The following GALNT9 variants were observed in gnomAD, a reference collection of about 807,000 sequenced individuals.
The protein encoded by GALNT9 is polypeptide N-acetylgalactosaminyltransferase 9, also known as GalNAc transferase 9.
A neutral mutation model predicts 63.1 loss-of-function variants in GALNT9; 47 were observed. The ratio of observed to expected loss-of-function variants is 0.75; its 90% CI spans 0.59 to 0.95. The LOEUF is 0.95. Among genes scored for constraint, GALNT9 ranks in the 40% least tolerant of loss-of-function variants. The pLI is 0.00. For missense variants in GALNT9, 829 were observed against 874.8 expected (o/e 0.95, Z 0.66); for synonymous variants, 396 against 365.7 (o/e 1.08, Z -0.94).
At chr12:132,214,421 C>T (rs1016691754) in intron 6 of GALNT9, among the ~76,000 whole-genome samples, 1 of 152,188 alleles carries the variant, frequency 6.6e-6, no homozygotes, top group Non-Finnish European at 1.5e-5. Flanking sequence ...GAGTGATTTC[C>T]TAGAGCTAGT....
At chr12:132,250,013 CTT>C (rs1475282940) in intron 5 of GALNT9, among the ~76,000 whole-genome samples, 1 of 152,204 alleles carries the variant, frequency 6.6e-6, no homozygotes, top group Non-Finnish European at 1.5e-5. Context: ...CCGGACGCCT[CTT>C]GTTAGCATCA....
intron 2 of GALNT9, among the ~76,000 whole-genome samples, chr12:132,285,392 C>T (rs974657269): frequency 6.6e-6 from 1 of 152,236 alleles, no homozygotes; most frequent in African/African-American, 2.4e-5. Context: ...CCAAGCTCAG[C>T]CAAACTTTAT....
chr12:132,304,374 C>CAGACATGCCCTCACCG (rs1593116506), intron 1 of GALNT9, among the ~76,000 whole-genome samples: 1 of 110,550 alleles, frequency 9.0e-6, no homozygotes, highest in Non-Finnish European at 1.8e-5. Flanking sequence ...CAGCCTCACC[C>CAGACATGCCCTCACCG]GGGCACACCC....
At chr12:132,204,755 GTCCCA>G (rs1231865424) in intron 6 of GALNT9, among the ~76,000 whole-genome samples, 2 of 151,960 alleles carry the variant, frequency 1.3e-5, no homozygotes, top group East Asian at 3.9e-4. Flanking sequence ...ATCCTGTGCT[GTCCCA>G]TCCCATCCAC....
intron 6 of GALNT9, among the ~76,000 whole-genome samples, chr12:132,216,308 G>T (rs1185078190): frequency 6.6e-6 from 1 of 152,200 alleles, no homozygotes; most frequent in African/African-American, 2.4e-5. Flanking sequence ...GACAGAGAGA[G>T]GGGCACAGCC....
chr12:132,309,040 C>G (rs971578699), intron 1 of GALNT9, among the ~76,000 whole-genome samples: 3 of 152,234 alleles, frequency 2.0e-5, no homozygotes, highest in African/African-American at 7.2e-5. Flanking sequence ...GTTCCTAGAG[C>G]CCCTATTTAT....
rs566870308 is a variant in GALNT9 at position 132,197,542 on chromosome 12, A to C, written c.1665+250T>G. On this transcript the variant is annotated intron_variant, in intron 10 of 10. Coordinates refer to ENST00000328957, the MANE Select transcript of GALNT9 (RefSeq NM_001122636.2). ...CTGGGCACCTGAGGCTGGAAGAGGC[A>C]GATGCAGGGCTATGATCAGACTGTC... Among the ~76,000 whole-genome samples the C allele has an allele frequency of 2.6e-5, 4 of 152,348 alleles. No homozygotes were observed. In the East Asian group the frequency reaches 5.8e-4, roughly 22 times the overall value.
At chr12:132,216,399 G>A (rs1039075241) in intron 6 of GALNT9, among the ~76,000 whole-genome samples, 1 of 152,228 alleles carries the variant, frequency 6.6e-6, no homozygotes, top group Non-Finnish European at 1.5e-5. Flanking sequence ...TGCTGACGAC[G>A]TCCTGGAGAC....
chr12:132,203,468 G>A (rs759813815), intron 7 of GALNT9, 37 bp downstream of exon 7: 2 of 1,607,284 alleles, frequency 1.2e-6, no homozygotes, highest in African/African-American at 1.3e-5. Context: ...CCCGACCCTG[G>A]GGCATGGCCC....
intron 9 of GALNT9, among the ~76,000 whole-genome samples, chr12:132,198,700 A>C (rs73166823): frequency 0.015 from 2,274 of 152,272 alleles, 61 homozygotes; most frequent in South Asian, 0.11. Flanking sequence ...TCTGTTGCCC[A>C]GGATGGAGTG....
At chr12:132,277,323 C>T (rs1880136066) in intron 2 of GALNT9, 1 of 154,912 alleles carries the variant, frequency 6.5e-6, no homozygotes, top group East Asian at 1.9e-4. Flanking sequence ...AAGACTCCCA[C>T]AGACGCCTGC....
At chr12:132,220,561 G>A (rs1242711847) in intron 6 of GALNT9, among the ~76,000 whole-genome samples, 3 of 152,216 alleles carry the variant, frequency 2.0e-5, no homozygotes, top group Admixed American at 1.3e-4. Context: ...CAAGTGGCTC[G>A]AATTGCTGTC....
intron 6 of GALNT9, among the ~76,000 whole-genome samples, chr12:132,224,477 A>C (rs1255663201): frequency 4.6e-4 from 1 of 2,180 alleles, no homozygotes; most frequent in Non-Finnish European, 1.0e-3. Context: ...CACACACACA[A>C]AACCCACACC....
chr12:132,226,596 C>T (rs1877698992), intron 6 of GALNT9, among the ~76,000 whole-genome samples: 1 of 147,060 alleles, frequency 6.8e-6, no homozygotes, highest in African/African-American at 2.5e-5. Flanking sequence ...ACATACACAC[C>T]ACACACCCCA....
intron 2 of GALNT9, among the ~76,000 whole-genome samples, chr12:132,268,558 C>T (rs1879743481): frequency 6.6e-6 from 1 of 152,092 alleles, no homozygotes; most frequent in East Asian, 1.9e-4. Flanking sequence ...TGGACTTTAT[C>T]AAAATAAAAA....
At chr12:132,212,183 T>TG (rs1876983495) in intron 6 of GALNT9, among the ~76,000 whole-genome samples, 1 of 146,192 alleles carries the variant, frequency 6.8e-6, no homozygotes, top group African/African-American at 2.5e-5. Context: ...CACCCGGGTC[T>TG]GCAGCCTTCA....
chr12:132,201,079 C>T (rs759961128), intron 8 of GALNT9, 45 bp downstream of exon 8: 29 of 1,590,502 alleles, frequency 1.8e-5, no homozygotes, highest in Non-Finnish European at 2.4e-5. Flanking sequence ...GGAGTCAGGG[C>T]AGAAAGCCTG....
Position 132,286,475 on chromosome 12 carries a change from C to A in GALNT9, c.239-45G>T, listed in dbSNP as rs1555242214. The stretch of plus-strand genomic sequence containing the variant: ...GGAGGTCAGGCAGGCCCAGGACACG[C>A]TGCGTCTGCACCCAGGAGACGCCCC... On this transcript the variant is annotated intron_variant, in intron 1 of 10. Transcript: ENST00000328957. The surrounding 1 kb of genome is among the most constrained non-coding windows in gnomAD (Gnocchi z 7.4). 2 of 1,518,110 alleles carry A rather than the reference C, an allele frequency of 1.3e-6. No individual in the cohort carries two copies. The highest frequency in any genetic ancestry group is 8.8e-7 in the Non-Finnish European group (1 of 1,131,886). The allele number at this position is 1,518,110 out of a possible 1,614,324, so 94.0% of individuals were successfully genotyped here.
intron 6 of GALNT9, among the ~76,000 whole-genome samples, chr12:132,219,782 G>A (rs531307407): frequency 2.8e-4 from 39 of 138,210 alleles, no homozygotes; most frequent in Non-Finnish European, 5.4e-4. Flanking sequence ...ACCCGCCCGG[G>A]TAAGGGGAAG....
Sources: allele counts gnomAD v4.1 joint callset (sites outside exome capture counted in the v4.1 genomes callset), GRCh38; gene constraint gnomAD v4.1.1; non-coding constraint Gnocchi (gnomAD v3.1); transcripts MANE v1.5; gene names NCBI Gene and HGNC (gene_info 2026-07-23, HGNC 2026-07-21).